The following APP variants were observed in gnomAD, a reference collection of about 807,000 sequenced individuals.
APP encodes amyloid-beta precursor protein.
Under a neutral mutation model 101.4 loss-of-function variants are expected in APP, and 31 were observed. The observed-to-expected ratio is 0.31, with a 90% CI of 0.23 to 0.41. The LOEUF (loss-of-function observed/expected upper bound fraction) is 0.41, where lower values mean the gene tolerates loss of function less well. APP is among the 10% of genes least tolerant of loss of function. The pLI, the probability that APP is intolerant of heterozygous loss-of-function variation, is 1.00. For missense variants in APP, 839 were observed against 1,003.7 expected, an observed-to-expected ratio of 0.84 and a Z score of 2.22; for synonymous variants, 366 against 364.4, an observed-to-expected ratio of 1.00 and a Z score of -0.05.
At chr21:26,140,301 C>T (rs2063015490) in intron 1 of APP, 1 of 1,532,690 alleles carries the variant, frequency 6.5e-7, no homozygotes, top group Non-Finnish European at 8.7e-7. Flanking sequence ...CAACTTGACC[C>T]AGGCCAGAGC....
chr21:26,002,830 C>T (rs2043357034), intron 6 of APP, among the ~76,000 whole-genome samples: 1 of 152,144 alleles, frequency 6.6e-6, no homozygotes, highest in Non-Finnish European at 1.5e-5. Flanking sequence ...ATGTGTGCCA[C>T]GGGCCTCGCA....
At chr21:26,126,874 A>G (rs1211790339) in intron 1 of APP, among the ~76,000 whole-genome samples, 1 of 152,182 alleles carries the variant, frequency 6.6e-6, no homozygotes, top group East Asian at 1.9e-4. Context: ...GTTGAACCAA[A>G]CAGAGTTTCC....
chr21:26,106,404 T>C (rs1375039426), intron 2 of APP, among the ~76,000 whole-genome samples: 1 of 152,186 alleles, frequency 6.6e-6, no homozygotes, highest in Non-Finnish European at 1.5e-5. Context: ...TTTTATCACC[T>C]GGCAAAAGAA....
chr21:25,883,683 ACT>A (rs1394536689), intron 17 of APP, among the ~76,000 whole-genome samples: 4 of 152,244 alleles, frequency 2.6e-5, no homozygotes, highest in Admixed American at 2.0e-4. Flanking sequence ...ACAGAGGGAG[ACT>A]CTGTCTCAAA....
chr21:26,130,216 A>C (rs2062764599), intron 1 of APP, among the ~76,000 whole-genome samples: 1 of 152,276 alleles, frequency 6.6e-6, no homozygotes, highest in Non-Finnish European at 1.5e-5. Context: ...GTGATGTTTA[A>C]GATACAACAA....
chr21:26,150,573 G>A (rs2063245308), intron 1 of APP, among the ~76,000 whole-genome samples: 1 of 117,766 alleles, frequency 8.5e-6, no homozygotes, highest in South Asian at 3.0e-4. Context: ...ACCACCAAGT[G>A]GCACAGAGTA....
intron 1 of APP, among the ~76,000 whole-genome samples, chr21:26,153,710 A>C (rs1426063639): frequency 6.6e-6 from 1 of 152,208 alleles, no homozygotes; most frequent in East Asian, 1.9e-4. Flanking sequence ...ATCAGAATAT[A>C]AAGAAACACA....
chr21:26,074,710 C>A (rs1197745167), intron 3 of APP, among the ~76,000 whole-genome samples: 26 of 151,662 alleles, frequency 1.7e-4, no homozygotes, highest in Admixed American at 1.7e-3. Context: ...GAGATTGCGT[C>A]ACTGCACTCC....
At chr21:25,986,781 T>G (rs1427515966) in intron 8 of APP, among the ~76,000 whole-genome samples, 1 of 152,172 alleles carries the variant, frequency 6.6e-6, no homozygotes, top group East Asian at 1.9e-4. Flanking sequence ...AAATAAAGGC[T>G]AGGATTTCCA....
intron 11 of APP, among the ~76,000 whole-genome samples, chr21:25,965,872 T>C (rs936817049): frequency 6.6e-6 from 1 of 152,170 alleles, no homozygotes; most frequent in Non-Finnish European, 1.5e-5. Context: ...TATATTAACA[T>C]TAAAATACGT....
chr21:26,080,858 G>C (rs541178074), intron 3 of APP, among the ~76,000 whole-genome samples: 4 of 151,860 alleles, frequency 2.6e-5, no homozygotes, highest in African/African-American at 4.8e-5. Context: ...CCATAATCTA[G>C]GTGCAGTACT....
At position 26,014,506 on chromosome 21, in the gene APP, A is replaced by G. The variant is rs368627819; in HGVS notation, c.865+7334T>C. Among the ~76,000 whole-genome samples, 14 of 152,304 alleles carry G rather than the reference A, an allele frequency of 9.2e-5. No homozygotes were observed. In the South Asian group the frequency reaches 2.7e-3, roughly 29 times the overall value. On this transcript the variant is annotated intron_variant, in intron 6 of 17. Coordinates refer to ENST00000346798, the MANE Select transcript of APP (RefSeq NM_000484.4). ...ACTGATACGCCAACTTCTCTGCAAC[A>G]TAGTAGGTGAAAACTTTTGTTCCGG...
At chr21:25,915,029 C>G (rs1298002924) in intron 13 of APP, among the ~76,000 whole-genome samples, 1 of 152,332 alleles carries the variant, frequency 6.6e-6, no homozygotes, top group South Asian at 2.1e-4. Flanking sequence ...GAATGGCTCC[C>G]TCTTTGTTTC....
chr21:25,999,730 T>C (rs1487034463), intron 7 of APP, among the ~76,000 whole-genome samples: 5 of 152,162 alleles, frequency 3.3e-5, no homozygotes, highest in Non-Finnish European at 5.9e-5. Context: ...TCCAGCTTTG[T>C]TTAAAAGAGA....
At chr21:25,958,693 A>T (rs2041442952) in intron 11 of APP, among the ~76,000 whole-genome samples, 1 of 152,238 alleles carries the variant, frequency 6.6e-6, no homozygotes. Flanking sequence ...AAATGTGTTC[A>T]GTGATAGTTA....
At chr21:26,011,702 C>T (rs986081215) in intron 6 of APP, among the ~76,000 whole-genome samples, 8 of 151,446 alleles carry the variant, frequency 5.3e-5, no homozygotes, top group African/African-American at 1.9e-4. Flanking sequence ...CAGCAGTCAC[C>T]AGCACTTCAG....
rs1569014114 is a variant in APP, at chr21:25,891,758, C to G, written c.2175G>C (p.Lys725Asn). The part of the protein sequence containing the change: ...VIVITLVMLK[K>N]KQYTSIHHGV... ...CATGATGAATGGATGTGTACTGTTT[C>G]TTCTTCAGCATCACCAAGGTGATGA... The change falls in exon 17 of 18, where the codon AAG (lysine) becomes AAC (asparagine). Residue 725 changes from lysine (K) to asparagine (N), a missense_variant. Lys to Asn is a moderately conservative substitution (Grantham distance 94). Coordinates refer to ENST00000346798, the MANE Select transcript of APP (RefSeq NM_000484.4). The G allele has an allele frequency of 6.2e-7, 1 of 1,614,160 alleles. No individual in the cohort carries two copies. The highest frequency in any genetic ancestry group is 8.5e-7 in the Non-Finnish European group (1 of 1,180,024).
chr21:25,984,653 G>C (rs922443542), intron 8 of APP, among the ~76,000 whole-genome samples: 1 of 152,068 alleles, frequency 6.6e-6, no homozygotes, highest in East Asian at 1.9e-4. Context: ...TGCATTTCAA[G>C]TTCCCAACTT....
chr21:26,122,271 A>T (rs1057259049), intron 1 of APP, among the ~76,000 whole-genome samples: 3 of 152,220 alleles, frequency 2.0e-5, no homozygotes, highest in Non-Finnish European at 4.4e-5. Flanking sequence ...TGAGGGAGTC[A>T]GTATACACTG....
Sources: gnomAD v4.1 joint callset for allele counts (sites outside exome capture counted in the v4.1 genomes callset) on GRCh38, gnomAD v4.1.1 for gene constraint, MANE v1.5 for transcripts, NCBI Gene and HGNC (gene_info 2026-07-23, HGNC 2026-07-21) for gene names.